The following RAF1 variants were observed in gnomAD, a reference collection of about 807,000 sequenced individuals.
RAF1 encodes the protein Raf-1 proto-oncogene, serine/threonine kinase.
Under a neutral mutation model 81.1 loss-of-function variants are expected in RAF1, and 27 were observed. That is an observed-to-expected ratio of 0.33 (90% CI 0.25 to 0.46). The LOEUF is 0.46. RAF1 is among the 20% of genes least tolerant of loss of function. The pLI is 1.00. For missense variants in RAF1, 598 were observed against 826.0 expected, an observed-to-expected ratio of 0.72 and a Z score of 3.38; for synonymous variants, 298 against 294.0, an observed-to-expected ratio of 1.01 and a Z score of -0.14.
At chr3:12,603,955 C>T (rs1006842383) in intron 7 of RAF1, among the ~76,000 whole-genome samples, 181 bp downstream of exon 7, 7 of 152,176 alleles carry the variant, frequency 4.6e-5, no homozygotes, top group African/African-American at 1.7e-4. Flanking sequence ...GAATGATATA[C>T]TAACCAGACT....
At chr3:12,661,345 C>T (rs2060871698) in intron 1 of RAF1, among the ~76,000 whole-genome samples, 1 of 152,148 alleles carries the variant, frequency 6.6e-6, no homozygotes, top group Non-Finnish European at 1.5e-5. Flanking sequence ...ACATTCTACA[C>T]TTTTTTTGAT....
chr3:12,646,785 A>G (rs73132351), intron 1 of RAF1, among the ~76,000 whole-genome samples: 37,992 of 151,318 alleles, frequency 0.25, 5,874 homozygotes, highest in African/African-American at 0.44. Flanking sequence ...TCCTGACCTC[A>G]GGAGCCACCT....
At position 12,636,731 on chromosome 3, in the gene RAF1, T is replaced by C. The variant is rs539761239; in HGVS notation, c.-26-17984A>G. ...CTGAGAGGGGAGAATCACTTGAGCC[T>C]GGGAGGTGGAGGCTGCTGTGAGCTA... On this transcript the variant is annotated intron_variant, in intron 1 of 17. Coordinates refer to ENST00000442415, the MANE Select transcript of RAF1 (RefSeq NM_001354689.3). Among the ~76,000 whole-genome samples, 6 of 151,402 alleles carry C rather than the reference T, an allele frequency of 4.0e-5. No individual in the cohort carries two copies. The South Asian group carries it at 1.3e-3, about 32-fold the overall frequency.
At chr3:12,598,750 AAAAC>A (rs1281563449) in intron 11 of RAF1, among the ~76,000 whole-genome samples, 27 of 135,850 alleles carry the variant, frequency 2.0e-4, no homozygotes, top group South Asian at 4.5e-4. Context: ...AAAAAAAAAA[AAAAC>A]CACCAAGTAC....
intron 1 of RAF1, among the ~76,000 whole-genome samples, chr3:12,655,239 A>G (rs1395582569): frequency 6.6e-6 from 1 of 151,984 alleles, no homozygotes; most frequent in East Asian, 1.9e-4. Context: ...TGCGCCAACA[A>G]GCCCAGCGAA....
Position 12,633,806 on chromosome 3 carries a change from G to A in RAF1, c.-26-15059C>T, listed in dbSNP as rs187945234. ...AAAAATTAGCTGGGTGTGGTGGTGC[G>A]CACCTGTAATCTCAGCTACTTGGGA... On this transcript the variant is annotated intron_variant, in intron 1 of 17. Coordinates refer to ENST00000442415, the MANE Select transcript of RAF1 (RefSeq NM_001354689.3). Among the ~76,000 whole-genome samples, 723 of 151,466 alleles carry A rather than the reference G, an allele frequency of 4.8e-3. 8 individuals are homozygous for A. The highest frequency in any genetic ancestry group is 0.016 in the African/African-American group (665 of 41,312).
chr3:12,627,826 A>G (rs1271948704), intron 1 of RAF1, among the ~76,000 whole-genome samples: 1 of 152,228 alleles, frequency 6.6e-6, no homozygotes, highest in Non-Finnish European at 1.5e-5. Flanking sequence ...TTCTTTTAGA[A>G]AGTTAGAGTG....
intron 2 of RAF1, among the ~76,000 whole-genome samples, chr3:12,617,456 G>T (rs959803541): frequency 6.6e-6 from 1 of 151,896 alleles, no homozygotes; most frequent in South Asian, 2.1e-4. Flanking sequence ...GGTTTGCCAC[G>T]TTGCCCGACT....
At chr3:12,612,855 G>A (rs2059260129) in intron 2 of RAF1, among the ~76,000 whole-genome samples, 1 of 152,058 alleles carries the variant, frequency 6.6e-6, no homozygotes, top group South Asian at 2.1e-4. Flanking sequence ...TCATTAGAGA[G>A]GAAATAAGCC....
chr3:12,662,633 G>A (rs1206217599), intron 1 of RAF1, among the ~76,000 whole-genome samples: 1 of 151,788 alleles, frequency 6.6e-6, no homozygotes, highest in Non-Finnish European at 1.5e-5. Context: ...GCAATTTGCT[G>A]CTCCCCAAAC....
chr3:12,659,256 C>T (rs1331480825), intron 1 of RAF1, among the ~76,000 whole-genome samples: 5 of 151,304 alleles, frequency 3.3e-5, no homozygotes, highest in East Asian at 1.9e-4. Flanking sequence ...GGTGAAACCT[C>T]GTCTCTACTA....
chr3:12,587,647 G>A lies in RAF1; in HGVS notation c.1431-10C>T. The A allele has an allele frequency of 6.2e-7, 1 of 1,602,204 alleles. No individual in the cohort carries two copies. The highest frequency in any genetic ancestry group is 8.6e-7 in the Non-Finnish European group (1 of 1,169,198). On this transcript the variant is annotated splice_polypyrimidine_tract_variant and intron_variant, in intron 13 of 17. Coordinates refer to ENST00000442415, the MANE Select transcript of RAF1 (RefSeq NM_001354689.3). ...CTTTGCATGCAAATAGCTGTGAAGG[G>A]AAAAGAAATTATTAAAAATAAGTTT...
chr3:12,656,926 G>C (rs1304193789), intron 1 of RAF1, among the ~76,000 whole-genome samples: 2 of 151,024 alleles, frequency 1.3e-5, no homozygotes, highest in Non-Finnish European at 2.9e-5. Context: ...GAACCCGGGA[G>C]ACAGAGGTTG....
intron 11 of RAF1, among the ~76,000 whole-genome samples, chr3:12,593,763 T>A (rs2058596187): frequency 6.7e-6 from 1 of 150,280 alleles, no homozygotes; most frequent in Non-Finnish European, 1.5e-5. Context: ...GAAGGGGAGT[T>A]CCCCAAGATG....
chr3:12,659,427 C>CAAAAAAAAAAAAAAAAAAAAAAAA lies in RAF1; in HGVS notation c.-27+4385_-27+4386insTTTTTTTTTTTTTTTTTTTTTTTT, dbSNP rs71063859. ...TGGGCAACAGCACCAGATTTCATCT[C>CAAAAAAAAAAAAAAAAAAAAAAAA]AAAAAAAAAAAAAAAAAATTACACG... On this transcript the variant is annotated intron_variant, in intron 1 of 17. Transcript: ENST00000442415. Among the ~76,000 whole-genome samples, 4 of 47,678 alleles carry CAAAAAAAAAAAAAAAAAAAAAAAA rather than the reference C, an allele frequency of 8.4e-5. 1 individual carries two copies. The highest frequency in any genetic ancestry group is 3.8e-4 in the Admixed American group (1 of 2,620). The allele number at this position is 47,678 out of a possible 152,430, so 31.3% of individuals were successfully genotyped here. A position where few individuals can be genotyped will look rare whatever the true frequency, so the allele number is the denominator to read the frequency against.
chr3:12,593,311 C>T (rs543047402), intron 11 of RAF1, among the ~76,000 whole-genome samples: 1 of 151,322 alleles, frequency 6.6e-6, no homozygotes, highest in Non-Finnish European at 1.5e-5. Context: ...AAACTCCTGA[C>T]CTCAAATGAT....
intron 11 of RAF1, among the ~76,000 whole-genome samples, chr3:12,592,667 T>TA (rs2058553916): frequency 6.6e-6 from 1 of 151,950 alleles, no homozygotes; most frequent in Non-Finnish European, 1.5e-5. Flanking sequence ...ACCAGCCTCT[T>TA]GATATAACTT....
chr3:12,645,786 G>A (rs1289744563), intron 1 of RAF1, among the ~76,000 whole-genome samples: 1 of 152,048 alleles, frequency 6.6e-6, no homozygotes, highest in Non-Finnish European at 1.5e-5. Flanking sequence ...TGTTGCCCAG[G>A]CTAGTCTCGA....
intron 2 of RAF1, among the ~76,000 whole-genome samples, chr3:12,612,827 CAT>C (rs757764425): frequency 6.6e-6 from 1 of 152,022 alleles, no homozygotes; most frequent in Non-Finnish European, 1.5e-5. Context: ...AATGTATACA[CAT>C]ATATGTTCAC....
Sources: allele counts gnomAD v4.1 joint callset (sites outside exome capture counted in the v4.1 genomes callset), GRCh38; gene constraint gnomAD v4.1.1; transcripts MANE v1.5; gene names NCBI Gene and HGNC (gene_info 2026-07-23, HGNC 2026-07-21).